KHDC4: variants seen among roughly 807,000 people sequenced by gnomAD.
KHDC4 encodes KH homology domain-containing protein 4.
A neutral mutation model predicts 74.5 loss-of-function variants in KHDC4; 19 were observed. The observed-to-expected ratio is 0.26, with a 90% CI of 0.18 to 0.37. The LOEUF (loss-of-function observed/expected upper bound fraction) is 0.37. KHDC4 is among the 10% of genes least tolerant of loss of function. The pLI is 1.00. For missense variants in KHDC4, 632 were observed against 754.1 expected (o/e 0.84, Z 1.90); for synonymous variants, 253 against 266.1 (o/e 0.95, Z 0.48).
intron 2 of KHDC4, among the ~76,000 whole-genome samples, chr1:155,933,324 T>C (rs986923854): frequency 6.6e-6 from 1 of 151,980 alleles, no homozygotes; most frequent in African/African-American, 2.4e-5. Context: ...GGAGTCTCAT[T>C]GGGTCGCCCA....
Position 155,929,213 on chromosome 1 carries a change from C to T in KHDC4, c.464+83G>A, listed in dbSNP as rs145882095. ...AACCTTGAATCAAATATTGTGTACA[C>T]GTATTACCTAAGGATAAAAAACATG... is the stretch of plus-strand genomic sequence containing the variant. On this transcript the variant is annotated intron_variant, in intron 4 of 13. Coordinates refer to ENST00000368321, the MANE Select transcript of KHDC4 (RefSeq NM_014949.4). 442 of 923,682 alleles carry T rather than the reference C, an allele frequency of 4.8e-4. 2 individuals are homozygous for T. In the African/African-American group the frequency reaches 6.1e-3, roughly 13 times the overall value. 57.2% of individuals were successfully genotyped at this position (923,682 alleles called of 1,614,324 possible). A position where few individuals can be genotyped will look rare whatever the true frequency, so the allele number is the denominator to read the frequency against.
intron 1 of KHDC4, 26 bp from the exon 2 acceptor site, chr1:155,933,875 A>G: frequency 1.3e-6 from 2 of 1,482,828 alleles, no homozygotes; most frequent in East Asian, 2.4e-5. Flanking sequence ...GGAAAACATT[A>G]GGCCCCAAAG....
chr1:155,923,733 A>T, intron 7 of KHDC4, 46 bp from the exon 8 acceptor site: 2 of 1,400,086 alleles, frequency 1.4e-6, no homozygotes, highest in South Asian at 2.3e-5. Flanking sequence ...AAATAAATAA[A>T]AGATGCAGAA....
At position 155,934,333 on chromosome 1, in the gene KHDC4, T is replaced by C. The variant is rs768806285; in HGVS notation, c.38+3A>G. 1.2e-6 allele frequency: 2 copies of C among 1,609,328 alleles called. No individual in the cohort carries two copies. Among genetic ancestry groups the C allele is most frequent in the Non-Finnish European group, 8.5e-7 (1 of 1,179,894 alleles). On this transcript the variant is annotated splice_donor_region_variant and intron_variant, in intron 1 of 13. Coordinates refer to ENST00000368321, the MANE Select transcript of KHDC4 (RefSeq NM_014949.4). Reference sequence around the variant, plus strand: ...TCCGATGCCCTCGCCCCTGAAGCCGTACCCGCCAGCTCCAGGATGTGTCGC... The same window carrying C: ...TCCGATGCCCTCGCCCCTGAAGCCGCACCCGCCAGCTCCAGGATGTGTCGC...
At position 155,915,854 on chromosome 1, in the gene KHDC4, C is replaced by T. The variant is rs759177197; in HGVS notation, c.1645+19G>A. On this transcript the variant is annotated intron_variant, in intron 13 of 13. Transcript: ENST00000368321. ...CAGTCTTAGCCACTCCCCTGTTCCC[C>T]CAGCTATATCACACTCACCATGGCT... 22 of 1,503,492 alleles carry T rather than the reference C, an allele frequency of 1.5e-5. No homozygotes were observed. Among genetic ancestry groups the T allele is most frequent in the African/African-American group, 4.2e-5 (3 of 71,138 alleles). The allele number at this position is 1,503,492 out of a possible 1,614,324, so 93.1% of individuals were successfully genotyped here.
chr1:155,921,515 G>A lies in KHDC4; in HGVS notation c.1126C>T (p.Pro376Ser). 2 of 1,614,132 alleles carry A rather than the reference G, an allele frequency of 1.2e-6. No individual in the cohort carries two copies. The highest frequency in any genetic ancestry group is 1.7e-6 in the Non-Finnish European group (2 of 1,180,024). ...VVPPPQQPVQ[P>S]PYGVPSIVPP... is the part of the protein sequence containing the mutation. ...ACTATGCTTGGTACTCCGTAGGGAG[G>A]TTGAACTGGCTGCTGAGGAGGGGGA... Residue 376 changes from proline to serine, a missense_variant, in exon 10 of 14, where the codon CCT (proline) becomes TCT (serine). By Grantham distance (74) the Pro-to-Ser change is moderately conservative. Coordinates refer to ENST00000368321, the MANE Select transcript of KHDC4 (RefSeq NM_014949.4).
intron 5 of KHDC4, 104 bp from the exon 6 acceptor site, chr1:155,926,943 A>G: frequency 2.2e-6 from 3 of 1,384,366 alleles, no homozygotes; most frequent in South Asian, 2.4e-5. Flanking sequence ...ACGTTACCCA[A>G]ATATGTGGCT....
At chr1:155,929,942 G>A in intron 2 of KHDC4, 102 bp from the exon 3 acceptor site, 1 of 726,568 alleles carries the variant, frequency 1.4e-6, no homozygotes, top group Non-Finnish European at 1.9e-6. Context: ...TTTTTGAGAT[G>A]GAGTCTGTCG....
rs1261765725 is a variant in KHDC4 at position 155,929,289 on chromosome 1, T to A, written c.464+7A>T. On this transcript the variant is annotated splice_region_variant and intron_variant, in intron 4 of 13. Coordinates refer to ENST00000368321, the MANE Select transcript of KHDC4 (RefSeq NM_014949.4). ...CCCTTCCATAAACAAGATAAGAGAA[T>A]ACGCACCCTGGTCCCACTTTGGCTT... 1 of 1,604,900 alleles carries A rather than the reference T, an allele frequency of 6.2e-7. No individual in the cohort carries two copies. Among genetic ancestry groups the A allele is most frequent in the African/African-American group, 1.3e-5 (1 of 74,712 alleles).
At chr1:155,929,039 T>C (rs1674088170) in intron 4 of KHDC4, among the ~76,000 whole-genome samples, 1 of 152,074 alleles carries the variant, frequency 6.6e-6, no homozygotes, top group African/African-American at 2.4e-5. Context: ...TAAATGTTAG[T>C]GGTTAGTATC....
At chr1:155,928,132 G>T (rs564701400) in intron 4 of KHDC4, among the ~76,000 whole-genome samples, 1 of 152,174 alleles carries the variant, frequency 6.6e-6, no homozygotes, top group East Asian at 1.9e-4. Context: ...CAGCACTTTG[G>T]GAGGCCGAGG....
chr1:155,913,176 C>T lies in KHDC4; in HGVS notation c.*945G>A, dbSNP rs1447748881. On this transcript the variant is annotated 3_prime_UTR_variant, in exon 14 of 14. Coordinates refer to ENST00000368321, the MANE Select transcript of KHDC4 (RefSeq NM_014949.4). The stretch of plus-strand genomic sequence containing the variant: ...GTGCAAAAATGACAGTTCAATATCT[C>T]AAACTATTCCTGGTTCAGCAGACTA... The T allele has an allele frequency of 6.5e-6, 1 of 152,738 alleles. No homozygotes were observed. The highest frequency in any genetic ancestry group is 1.5e-5 in the Non-Finnish European group (1 of 68,040). The allele number at this position is 152,738 out of a possible 1,614,324, so 9.5% of individuals were successfully genotyped here.
chr1:155,917,337 G>A (rs1413994774), intron 11 of KHDC4, among the ~76,000 whole-genome samples, 162 bp downstream of exon 11: 4 of 152,046 alleles, frequency 2.6e-5, no homozygotes, highest in Admixed American at 2.0e-4. Flanking sequence ...AACTCTCAGA[G>A]GCTTTCAAGA....
At chr1:155,915,802 C>T (rs768715597) in intron 13 of KHDC4, 71 bp downstream of exon 13, 11 of 1,023,832 alleles carry the variant, frequency 1.1e-5, no homozygotes, top group Middle Eastern at 2.1e-4. Context: ...CCACTGCGCC[C>T]GGCTGAGAAA....
intron 4 of KHDC4, among the ~76,000 whole-genome samples, chr1:155,928,307 G>C (rs57884333): frequency 6.6e-6 from 1 of 152,078 alleles, no homozygotes; most frequent in African/African-American, 2.4e-5. Flanking sequence ...CCAGGAGGCA[G>C]AGGTTGCAGT....
intron 11 of KHDC4, 78 bp downstream of exon 11, chr1:155,917,421 T>G: frequency 8.3e-7 from 1 of 1,198,918 alleles, no homozygotes; most frequent in Non-Finnish European, 1.2e-6. Context: ...GGGAGAATGA[T>G]GTGAATTTAT....
intron 13 of KHDC4, chr1:155,914,920 A>G (rs1371161047): frequency 6.6e-6 from 1 of 152,526 alleles, no homozygotes; most frequent in African/African-American, 2.4e-5. Flanking sequence ...GGATTTTGAA[A>G]TGACCTACCA....
chr1:155,923,330 G>A (rs1056327090), intron 8 of KHDC4, among the ~76,000 whole-genome samples: 1 of 152,248 alleles, frequency 6.6e-6, no homozygotes, highest in East Asian at 1.9e-4. Context: ...CTTCAGACTG[G>A]AGTTATGCTA....
At chr1:155,918,156 A>G (rs1673774804) in intron 10 of KHDC4, among the ~76,000 whole-genome samples, 1 of 152,236 alleles carries the variant, frequency 6.6e-6, no homozygotes, top group African/African-American at 2.4e-5. Context: ...AAGACAGTAT[A>G]TATTACAGAG....
Sources: gnomAD v4.1 joint callset for allele counts (sites outside exome capture counted in the v4.1 genomes callset) on GRCh38, gnomAD v4.1.1 for gene constraint, MANE v1.5 for transcripts, NCBI Gene and HGNC (gene_info 2026-07-23, HGNC 2026-07-21) for gene names.